The following CD86 variants were observed in gnomAD, a reference collection of about 807,000 sequenced individuals.
CD86 encodes the protein T-lymphocyte activation antigen CD86.
A neutral mutation model predicts 32.1 loss-of-function variants in CD86; 11 were observed. That is an observed-to-expected ratio of 0.34 (90% confidence interval 0.22 to 0.57). CD86 has a LOEUF of 0.57. Among genes scored for constraint, CD86 ranks in the 20% least tolerant of loss-of-function variants. CD86 has a pLI of 0.86. For synonymous variants in CD86, 137 were observed against 135.3 expected, an observed-to-expected ratio of 1.01 and a Z score of -0.09; for missense variants, 359 against 398.4, an observed-to-expected ratio of 0.90 and a Z score of 0.84.
intron 1 of CD86, among the ~76,000 whole-genome samples, chr3:122,080,065 G>A (rs1043280618): frequency 6.6e-6 from 1 of 152,134 alleles, no homozygotes; most frequent in Non-Finnish European, 1.5e-5. Flanking sequence ...AGTATGGGGA[G>A]AGAAGGCCCC....
Position 122,055,389 on chromosome 3 carries a change from G to T in CD86, c.-101G>T. On this transcript the variant is annotated 5_prime_UTR_variant, in exon 1 of 7. Transcript: ENST00000330540. ...TCATTGCCGAGGAAGGCTTGCACAG[G>T]GTGAAAGCTTTGCTTCTCTGCTGCT... The T allele has an allele frequency of 8.6e-7, 1 of 1,163,876 alleles. No homozygotes were observed. The highest frequency in any genetic ancestry group is 1.2e-5 in the South Asian group (1 of 80,668). The allele number at this position is 1,163,876 out of a possible 1,614,324, so 72.1% of individuals were successfully genotyped here. A position where few individuals can be genotyped will look rare whatever the true frequency, so the allele number is the denominator to read the frequency against.
intron 3 of CD86, among the ~76,000 whole-genome samples, chr3:122,105,286 C>T (rs914948401): frequency 6.6e-6 from 1 of 152,168 alleles, no homozygotes; most frequent in Admixed American, 6.5e-5. Context: ...AAGCTAAACA[C>T]GGTCTGGCAA....
chr3:122,076,528 G>A (rs952954931), intron 1 of CD86, among the ~76,000 whole-genome samples: 5 of 152,160 alleles, frequency 3.3e-5, no homozygotes, highest in African/African-American at 4.8e-5. Flanking sequence ...AATTTCCAAG[G>A]TCTGAACATA....
intron 2 of CD86, among the ~76,000 whole-genome samples, chr3:122,100,898 G>A (rs2072989467): frequency 6.6e-6 from 1 of 152,170 alleles, no homozygotes. Flanking sequence ...GGTGGCTTGA[G>A]GTCTGGGGTC....
chr3:122,094,451 A>G (rs2072875508), intron 2 of CD86, among the ~76,000 whole-genome samples: 1 of 152,344 alleles, frequency 6.6e-6, no homozygotes, highest in Admixed American at 6.5e-5. Context: ...TTAAAGTGGA[A>G]TAGAAAGCCC....
rs370012716 is a variant in CD86, at chr3:122,103,744, T to C, written c.297T>C (p.Asn99=). ...DSDSWTLRLH[N]LQIKDKGLYQ... Reference sequence around the variant, plus strand: ...ACAGTTGGACCCTGAGACTTCACAATCTTCAGATCAAGGACAAGGGCTTGT... The same window carrying C: ...ACAGTTGGACCCTGAGACTTCACAACCTTCAGATCAAGGACAAGGGCTTGT... The change falls in exon 3 of 7, where the codon AAT becomes AAC. Residue 99 remains asparagine, a synonymous_variant. Transcript: ENST00000330540. The C allele has an allele frequency of 6.8e-6, 11 of 1,613,928 alleles. No homozygotes were observed. The highest frequency in any genetic ancestry group is 7.6e-6 in the Non-Finnish European group (9 of 1,179,938).
intron 1 of CD86, among the ~76,000 whole-genome samples, chr3:122,090,719 T>A (rs992089155): frequency 1.3e-5 from 2 of 152,160 alleles, no homozygotes; most frequent in Non-Finnish European, 2.9e-5. Flanking sequence ...GCAGCCTTTT[T>A]GGTGCTAGTT....
At chr3:122,057,042 A>T (rs1241344141) in intron 1 of CD86, among the ~76,000 whole-genome samples, 1 of 152,228 alleles carries the variant, frequency 6.6e-6, no homozygotes, top group Non-Finnish European at 1.5e-5. Flanking sequence ...AACAACAGTG[A>T]AGTATCATTT....
intron 1 of CD86, among the ~76,000 whole-genome samples, chr3:122,070,224 G>T (rs1357839957): frequency 6.6e-6 from 1 of 152,128 alleles, no homozygotes; most frequent in Non-Finnish European, 1.5e-5. Flanking sequence ...GTGTCCCTGG[G>T]TCCTAGTTTC....
intron 5 of CD86, among the ~76,000 whole-genome samples, chr3:122,114,260 T>TATAA (rs56864968): frequency 0.02 from 3,074 of 151,464 alleles, 85 homozygotes; most frequent in African/African-American, 0.064. Flanking sequence ...TCTTAAAAAA[T>TATAA]ATAAATAAAT....
intron 2 of CD86, among the ~76,000 whole-genome samples, chr3:122,096,038 T>A (rs946764302): frequency 2.0e-5 from 3 of 152,198 alleles, no homozygotes; most frequent in African/African-American, 7.2e-5. Flanking sequence ...ATTTCCAAAA[T>A]ATGTAACCTG....
At chr3:122,103,893 G>T in intron 3 of CD86, 46 bp downstream of exon 3, 1 of 1,471,634 alleles carries the variant, frequency 6.8e-7, no homozygotes, top group South Asian at 1.2e-5. Flanking sequence ...CTTCTCAGAT[G>T]AGACTGCAAA....
chr3:122,093,363 G>T (rs894300969), intron 2 of CD86, among the ~76,000 whole-genome samples: 13 of 152,092 alleles, frequency 8.5e-5, no homozygotes, highest in African/African-American at 2.9e-4. Context: ...ACACAGTCAT[G>T]AATCGTTTAA....
intron 2 of CD86, 146 bp downstream of exon 2, chr3:122,091,796 T>C (rs1380138037): frequency 2.9e-6 from 2 of 680,908 alleles, no homozygotes; most frequent in Admixed American, 2.3e-5. Flanking sequence ...AAGACTTTCC[T>C]GGAGAAGAAG....
intron 1 of CD86, among the ~76,000 whole-genome samples, chr3:122,057,142 C>T (rs2072249668): frequency 6.6e-6 from 1 of 152,182 alleles, no homozygotes; most frequent in East Asian, 1.9e-4. Flanking sequence ...TATTTGTACC[C>T]TAGTTGCGCA....
chr3:122,096,499 T>A (rs1036273111), intron 2 of CD86, among the ~76,000 whole-genome samples: 1 of 152,232 alleles, frequency 6.6e-6, no homozygotes, highest in Non-Finnish European at 1.5e-5. Flanking sequence ...CGATAGACAT[T>A]GTTCTCTATC....
At chr3:122,073,482 A>G (rs2072517442) in intron 1 of CD86, among the ~76,000 whole-genome samples, 1 of 152,010 alleles carries the variant, frequency 6.6e-6, no homozygotes. Flanking sequence ...CTTTTTATTC[A>G]TATAATGGTT....
At chr3:122,078,120 C>T (rs2107513592) in intron 1 of CD86, 3 of 892,478 alleles carry the variant, frequency 3.4e-6, no homozygotes, top group Non-Finnish European at 4.0e-6. Flanking sequence ...GGCAGAAATG[C>T]TGATGTGCTA....
At chr3:122,069,439 T>G (rs2072458842) in intron 1 of CD86, among the ~76,000 whole-genome samples, 1 of 152,186 alleles carries the variant, frequency 6.6e-6, no homozygotes, top group South Asian at 2.1e-4. Flanking sequence ...GAGTCAATAG[T>G]GATTGCCAGT....
Sources: gnomAD v4.1 joint callset for allele counts (sites outside exome capture counted in the v4.1 genomes callset) on GRCh38, gnomAD v4.1.1 for gene constraint, MANE v1.5 for transcripts, NCBI Gene and HGNC (gene_info 2026-07-23, HGNC 2026-07-21) for gene names.